Variants in PCNP observed in about 807,000 individuals in gnomAD.
The protein encoded by PCNP is PEST proteolytic signal containing nuclear protein, also known as PEST proteolytic signal-containing nuclear protein.
A neutral mutation model predicts 21.8 loss-of-function variants in PCNP; 6 were observed. The ratio of observed to expected loss-of-function variants is 0.28; its 90% CI spans 0.15 to 0.54. The LOEUF (loss-of-function observed/expected upper bound fraction) is 0.54. Among genes scored for constraint, PCNP ranks in the 20% least tolerant of loss-of-function variants. PCNP has a pLI of 0.95. For synonymous variants in PCNP, 67 were observed against 73.2 expected (o/e 0.92, Z 0.43); for missense variants, 161 against 215.5 (o/e 0.75, Z 1.58).
chr3:101,589,556 A>T (rs577124862), intron 3 of PCNP, among the ~76,000 whole-genome samples: 1 of 152,016 alleles, frequency 6.6e-6, no homozygotes, highest in Non-Finnish European at 1.5e-5. Context: ...GATTACAGGC[A>T]CGCGCCACCA....
intron 3 of PCNP, among the ~76,000 whole-genome samples, chr3:101,586,576 G>GAGAGAGAGAGAGTTTCTTGTTTC (rs1935534350): frequency 1.3e-5 from 2 of 149,866 alleles, no homozygotes; most frequent in South Asian, 2.1e-4. Context: ...GTGTGTGAGA[G>GAGAGAGAGAGAGTTTCTTGTTTC]AGAGAGAGAG....
rs1482474306 is a variant in PCNP, at chr3:101,594,205, A to G, written c.*1452A>G. 1.3e-5 allele frequency: 2 copies of G among 152,654 alleles called. No individual in the cohort carries two copies. The highest frequency in any genetic ancestry group is 2.9e-5 in the Non-Finnish European group (2 of 68,044). The allele number at this position is 152,654 out of a possible 1,614,324, so 9.5% of individuals were successfully genotyped here. ...CCCAAGTAAGACAATGGAAATGTAT[A>G]TAGAACTCTTAGTTCTTACATGATT... On this transcript the variant is annotated 3_prime_UTR_variant, in exon 5 of 5. Coordinates refer to ENST00000265260, the MANE Select transcript of PCNP (RefSeq NM_020357.3).
intron 1 of PCNP, among the ~76,000 whole-genome samples, chr3:101,579,134 T>C (rs75103498): frequency 0.011 from 1,609 of 152,222 alleles, 8 homozygotes; most frequent in Middle Eastern, 0.037. Flanking sequence ...GTATGATTTT[T>C]TTTTTTAAAT....
chr3:101,583,683 T>C (rs1935350271), intron 2 of PCNP, among the ~76,000 whole-genome samples: 1 of 152,040 alleles, frequency 6.6e-6, no homozygotes, highest in Admixed American at 6.6e-5. Context: ...AGACTCACTC[T>C]GTCACCCAGG....
chr3:101,588,153 C>T (rs1935627253), intron 3 of PCNP, among the ~76,000 whole-genome samples: 1 of 152,150 alleles, frequency 6.6e-6, no homozygotes, highest in African/African-American at 2.4e-5. Flanking sequence ...AGCCTGTAAT[C>T]CCGGCTACTC....
At position 101,574,240 on chromosome 3, in the gene PCNP, G is replaced by C. The variant is rs757880292; in HGVS notation, c.25G>C (p.Glu9Gln). MADGKAGD[E>Q]KPEKSQRAGA... ...AATGGCGGACGGGAAGGCGGGAGAC[G>C]AGAAGCCTGAAAAGTCGCAGCGAGC... Residue 9 changes from glutamate (E) to glutamine (Q), a missense_variant, in exon 1 of 5, where the codon GAG becomes CAG. Glu to Gln is a conservative substitution (Grantham distance 29, BLOSUM62 2). Around this residue, in one of 4 missense-constraint regions of PCNP, gnomAD observed 43 missense variants for 26.6 expected, o/e 1.62. Transcript: ENST00000265260. The C allele has an allele frequency of 7.5e-5, 117 of 1,549,712 alleles. No homozygotes were observed. Among genetic ancestry groups the C allele is most frequent in the Non-Finnish European group, 9.1e-5 (104 of 1,145,982 alleles).
intron 3 of PCNP, among the ~76,000 whole-genome samples, chr3:101,587,254 A>AAG (rs531500623): frequency 0.22 from 33,042 of 151,546 alleles, 4,635 homozygotes; most frequent in Non-Finnish European, 0.31. Flanking sequence ...CTGTCTCAAA[A>AAG]AAAAAAAAAA....
Position 101,593,557 on chromosome 3 carries a change from C to T in PCNP, c.*804C>T, listed in dbSNP as rs374349566. The T allele has an allele frequency of 2.7e-4, 41 of 152,512 alleles. No individual in the cohort carries two copies. Among genetic ancestry groups the T allele is most frequent in the African/African-American group, 9.9e-4 (41 of 41,426 alleles). 9.4% of individuals were successfully genotyped at this position (152,512 alleles called of 1,614,324 possible). A position where few individuals can be genotyped will look rare whatever the true frequency, so the allele number is the denominator to read the frequency against. ...GAAGCTGTTTCTTTTAAAACACAAA[C>T]CACCACCAAAAATTTAAATGTACAT... On this transcript the variant is annotated 3_prime_UTR_variant, in exon 5 of 5. Coordinates refer to ENST00000265260, the MANE Select transcript of PCNP (RefSeq NM_020357.3).
intron 2 of PCNP, among the ~76,000 whole-genome samples, chr3:101,584,355 C>G (rs1285836211): frequency 1.3e-5 from 2 of 152,046 alleles, no homozygotes; most frequent in East Asian, 3.9e-4. Flanking sequence ...ACCAGGCTGG[C>G]CTGGAACTCC....
At chr3:101,574,335 G>C in intron 1 of PCNP, 56 bp downstream of exon 1, 1 of 1,480,836 alleles carries the variant, frequency 6.8e-7, no homozygotes. Flanking sequence ...CTTTCTTTGA[G>C]CTCCCAGGGT....
chr3:101,585,723 G>A (rs1403521895), intron 3 of PCNP, among the ~76,000 whole-genome samples: 2 of 152,270 alleles, frequency 1.3e-5, no homozygotes, highest in South Asian at 2.1e-4. Context: ...GGGACAAGAA[G>A]CTTAAGGATG....
intron 4 of PCNP, among the ~76,000 whole-genome samples, 192 bp from the exon 5 acceptor site, chr3:101,592,435 A>C (rs1445108197): frequency 1.3e-5 from 2 of 151,898 alleles, no homozygotes; most frequent in Non-Finnish European, 2.9e-5. Flanking sequence ...CGACCTCCCA[A>C]AGTGCTGGGA....
intron 1 of PCNP, among the ~76,000 whole-genome samples, chr3:101,577,555 C>T (rs183801965): frequency 2.2e-4 from 33 of 152,298 alleles, no homozygotes; most frequent in Admixed American, 3.9e-4. Flanking sequence ...GATGAAGTCA[C>T]GCTCTGTCGC....
At chr3:101,583,286 T>C (rs1031553114) in intron 2 of PCNP, among the ~76,000 whole-genome samples, 1 of 151,988 alleles carries the variant, frequency 6.6e-6, no homozygotes, top group Admixed American at 6.6e-5. Context: ...CAAAACTCCA[T>C]CTCTACTGAA....
intron 4 of PCNP, among the ~76,000 whole-genome samples, chr3:101,590,722 T>A (rs1037106040): frequency 1.3e-5 from 2 of 151,842 alleles, no homozygotes; most frequent in Non-Finnish European, 2.9e-5. Flanking sequence ...TTTTTTTTTT[T>A]ATTTTTAGTA....
chr3:101,591,402 T>C (rs949501082), intron 4 of PCNP, among the ~76,000 whole-genome samples: 15 of 152,206 alleles, frequency 9.9e-5, no homozygotes, highest in African/African-American at 3.1e-4. Flanking sequence ...ACCAGTATGA[T>C]AATGCTAAGT....
At chr3:101,576,718 T>C (rs4683933) in intron 1 of PCNP, 728,055 of 1,610,448 alleles carry the variant, frequency 0.45, 168,195 homozygotes, top group Non-Finnish European at 0.48. Flanking sequence ...TGGGATCTTG[T>C]ACTGGCGTGG....
At chr3:101,583,245 C>CAGG (rs1449973390) in intron 2 of PCNP, among the ~76,000 whole-genome samples, 1 of 152,154 alleles carries the variant, frequency 6.6e-6, no homozygotes, top group Non-Finnish European at 1.5e-5. Context: ...CTCTTGAAGC[C>CAGG]AGGAGTTCGA....
chr3:101,577,076 C>T (rs1291585259), intron 1 of PCNP: 4 of 677,524 alleles, frequency 5.9e-6, no homozygotes, highest in Non-Finnish European at 5.4e-6. Context: ...CCGCCCGCCT[C>T]GGCCTCCCGA....
Sources: allele counts gnomAD v4.1 joint callset (sites outside exome capture counted in the v4.1 genomes callset), GRCh38; gene constraint gnomAD v4.1.1; regional missense constraint gnomAD v4.1.1; transcripts MANE v1.5; gene names NCBI Gene and HGNC (gene_info 2026-07-23, HGNC 2026-07-21).